GABPB1: variants seen among roughly 807,000 people sequenced by gnomAD.
GABPB1 encodes GA binding protein transcription factor subunit beta 1.
GABPB1 carries 15 observed loss-of-function variants against 45.9 expected under a neutral mutation model. The ratio of observed to expected loss-of-function variants is 0.33; its 90% CI spans 0.22 to 0.50. GABPB1 has a LOEUF of 0.50. Ranked by LOEUF, GABPB1 falls within the 20% of genes least tolerant of loss-of-function variation. GABPB1 has a pLI of 0.98. For missense variants in GABPB1, 252 were observed against 457.5 expected (o/e 0.55, Z 4.10); for synonymous variants, 143 against 154.4 (o/e 0.93, Z 0.55).
At chr15:50,297,190 TG>T (rs2046548787) in intron 6 of GABPB1, among the ~76,000 whole-genome samples, 1 of 148,686 alleles carries the variant, frequency 6.7e-6, no homozygotes, top group African/African-American at 2.5e-5. Flanking sequence ...GGATTACAGG[TG>T]TGAGCCACTG....
chr15:50,354,262 C>T (rs1477108141), intron 1 of GABPB1: 3 of 370,028 alleles, frequency 8.1e-6, no homozygotes, highest in African/African-American at 4.5e-5. Flanking sequence ...GCGGCGAAGT[C>T]TTTGGGGCAG....
At chr15:50,281,421 C>T (rs1025151422) in intron 8 of GABPB1, among the ~76,000 whole-genome samples, 7 of 152,102 alleles carry the variant, frequency 4.6e-5, no homozygotes, top group Non-Finnish European at 7.4e-5. Flanking sequence ...CCATGTTAGC[C>T]AGGATGGTCT....
At chr15:50,332,535 GTA>G (rs1433437056) in intron 1 of GABPB1, among the ~76,000 whole-genome samples, 1 of 151,896 alleles carries the variant, frequency 6.6e-6, no homozygotes, top group African/African-American at 2.4e-5. Context: ...ATTTTTTTCT[GTA>G]TATGATACTG....
chr15:50,330,128 T>C (rs557748204), intron 1 of GABPB1, among the ~76,000 whole-genome samples: 1 of 152,030 alleles, frequency 6.6e-6, no homozygotes, highest in Non-Finnish European at 1.5e-5. Context: ...GGTCTCAAAC[T>C]CCGGGGCTCA....
intron 1 of GABPB1, among the ~76,000 whole-genome samples, chr15:50,337,129 A>ATAT (rs1173961008): frequency 0.051 from 526 of 10,250 alleles, 31 homozygotes; most frequent in South Asian, 0.097. Flanking sequence ...ATATATATAT[A>ATAT]ATATGAAGAG....
rs190404265 is a variant in GABPB1, at chr15:50,297,710, C to T, written c.697+3079G>A. 3.8e-3 allele frequency among the ~76,000 whole-genome samples: 583 copies of T among 152,154 alleles called. 3 individuals carry two copies. The highest frequency in any genetic ancestry group is 0.013 in the African/African-American group (560 of 41,526). On this transcript the variant is annotated intron_variant, in intron 6 of 8. Transcript: ENST00000380877. ...ATTGGCTGAGAGTGGTGGCGTGTGC[C>T]TGTAATCCCAGCTACTCAGGAGGCT...
intron 1 of GABPB1, among the ~76,000 whole-genome samples, chr15:50,324,686 A>G (rs1346148296): frequency 6.6e-6 from 1 of 151,764 alleles, no homozygotes; most frequent in Non-Finnish European, 1.5e-5. Context: ...CTCGGATTAC[A>G]GGCGCATGCC....
At chr15:50,354,779 G>C (rs1440620613) in intron 1 of GABPB1, 1 of 236,042 alleles carries the variant, frequency 4.2e-6, no homozygotes, top group Non-Finnish European at 8.5e-6. Flanking sequence ...ACAAAGCGCA[G>C]CGGCGGCGCG....
chr15:50,329,164 T>C (rs779939850), intron 1 of GABPB1, among the ~76,000 whole-genome samples: 5 of 152,176 alleles, frequency 3.3e-5, no homozygotes, highest in Non-Finnish European at 7.4e-5. Context: ...CAAGGAGTCC[T>C]GGATTCTTTC....
chr15:50,302,983 A>G lies in GABPB1; in HGVS notation c.417T>C (p.Thr139=), dbSNP rs766406063. 5 of 1,613,620 alleles carry G rather than the reference A, an allele frequency of 3.1e-6. No individual in the cohort carries two copies. The highest frequency in any genetic ancestry group is 4.2e-6 in the Non-Finnish European group (5 of 1,179,806). ...CATTGTCTATTGAAATATCAAATGC[A>G]GTTTTACAAAATTTACTTTGCGTGT... ...DVHTQSKFCK[T]AFDISIDNGN... Residue 139 remains threonine, a synonymous_variant, in exon 4 of 9, where the codon ACT becomes ACC. Coordinates refer to ENST00000380877, the MANE Select transcript of GABPB1 (RefSeq NM_016654.5).
intron 8 of GABPB1, 94 bp from the exon 9 acceptor site, chr15:50,278,878 G>A (rs770402325): frequency 7.9e-5 from 75 of 954,458 alleles, no homozygotes; most frequent in South Asian, 5.3e-4. Context: ...AAAAAAAACC[G>A]TAGTAGCTAA....
chr15:50,300,431 TTTTG>T (rs1297739688), intron 6 of GABPB1, among the ~76,000 whole-genome samples: 1 of 77,478 alleles, frequency 1.3e-5, no homozygotes, highest in Admixed American at 1.9e-4. Context: ...CTGCAACTGT[TTTTG>T]GTTTTTTTTT....
At position 50,300,799 on chromosome 15, in the gene GABPB1, T is replaced by C; in HGVS notation, c.687A>G (p.Ser229=). The C allele has an allele frequency of 6.2e-7, 1 of 1,604,032 alleles. No homozygotes were observed. Among genetic ancestry groups the C allele is most frequent in the Admixed American group, 1.7e-5 (1 of 60,006 alleles). ...ACTCGTTTTTCTAACCTGGAGTTTCTGAAGAATTGGACAATGGAGCAGATG... is the reference window on the plus strand; with the variant it reads ...ACTCGTTTTTCTAACCTGGAGTTTCCGAAGAATTGGACAATGGAGCAGATG... ...AEASAPLSNS[S]ETPVVATEEV... The change falls in exon 6 of 9, where the codon TCA becomes TCG. Residue 229 remains serine (S), a synonymous_variant. Coordinates refer to ENST00000380877, the MANE Select transcript of GABPB1 (RefSeq NM_016654.5).
intron 1 of GABPB1, among the ~76,000 whole-genome samples, chr15:50,348,734 C>T (rs1181543972): frequency 2.0e-5 from 3 of 151,926 alleles, no homozygotes; most frequent in South Asian, 2.1e-4. Flanking sequence ...TCGTGGCGCG[C>T]ACCTGTAGTC....
chr15:50,313,688 A>G (rs1050150480), intron 1 of GABPB1, among the ~76,000 whole-genome samples: 1 of 152,148 alleles, frequency 6.6e-6, no homozygotes, highest in Non-Finnish European at 1.5e-5. Flanking sequence ...ACAACAAAAA[A>G]TTTATGCCAC....
At chr15:50,316,916 C>A (rs2047351571) in intron 1 of GABPB1, among the ~76,000 whole-genome samples, 1 of 152,026 alleles carries the variant, frequency 6.6e-6, no homozygotes, top group South Asian at 2.1e-4. Context: ...CCCAACTCCA[C>A]CCATTGTTTT....
At chr15:50,340,018 A>G (rs1045129193) in intron 1 of GABPB1, among the ~76,000 whole-genome samples, 1 of 152,196 alleles carries the variant, frequency 6.6e-6, no homozygotes, top group Admixed American at 6.5e-5. Flanking sequence ...CCTAACCCCA[A>G]GGTGATGGTA....
intron 1 of GABPB1, chr15:50,352,864 C>T (rs778261681): frequency 6.6e-6 from 1 of 152,160 alleles, no homozygotes; most frequent in Non-Finnish European, 1.5e-5. Context: ...AATTTTTATG[C>T]ATTAATCAAT....
intron 1 of GABPB1, among the ~76,000 whole-genome samples, chr15:50,320,378 G>T (rs928769387): frequency 1.3e-5 from 2 of 152,172 alleles, no homozygotes; most frequent in Admixed American, 6.5e-5. Flanking sequence ...ATTTTGGTCA[G>T]GCTGGTCTCA....
Sources: allele counts gnomAD v4.1 joint callset (sites outside exome capture counted in the v4.1 genomes callset), GRCh38; gene constraint gnomAD v4.1.1; transcripts MANE v1.5; gene names NCBI Gene and HGNC (gene_info 2026-07-23, HGNC 2026-07-21).